The following DDAH1 variants were observed in gnomAD, a reference collection of about 807,000 sequenced individuals.
The protein encoded by DDAH1 is dimethylarginine dimethylaminohydrolase 1, also known as N(G),N(G)-dimethylarginine dimethylaminohydrolase 1.
DDAH1 carries 19 observed loss-of-function variants against 28.8 expected under a neutral mutation model. The observed-to-expected ratio is 0.66, with a 90% confidence interval of 0.46 to 0.97. The LOEUF (loss-of-function observed/expected upper bound fraction) is 0.97, where lower values mean the gene tolerates loss of function less well. Among genes scored for constraint, DDAH1 ranks in the 50% least tolerant of loss-of-function variants. The pLI is 0.00. For synonymous variants in DDAH1, 153 were observed against 154.4 expected (o/e 0.99, Z 0.07); for missense variants, 326 against 375.9 (o/e 0.87, Z 1.10).
chr1:85,520,836 T>C (rs1227770299), intron 1 of DDAH1, among the ~76,000 whole-genome samples: 2 of 152,224 alleles, frequency 1.3e-5, no homozygotes, highest in Non-Finnish European at 2.9e-5. Context: ...CACAGGAATA[T>C]GTCAATATGC....
intron 1 of DDAH1, among the ~76,000 whole-genome samples, chr1:85,424,149 A>C (rs1653282620): frequency 6.6e-6 from 1 of 152,146 alleles, no homozygotes; most frequent in Non-Finnish European, 1.5e-5. Flanking sequence ...ATCTATGTCC[A>C]TGAGAACTAT....
At chr1:85,427,575 G>C (rs900332531) in intron 1 of DDAH1, among the ~76,000 whole-genome samples, 1 of 152,172 alleles carries the variant, frequency 6.6e-6, no homozygotes, top group Non-Finnish European at 1.5e-5. Context: ...TGCAGAGCCA[G>C]CTCAAAGGGA....
chr1:85,447,010 C>T (rs1433153404), intron 1 of DDAH1, among the ~76,000 whole-genome samples: 1 of 152,164 alleles, frequency 6.6e-6, no homozygotes, highest in Non-Finnish European at 1.5e-5. Flanking sequence ...AATTTTAAAA[C>T]TCAATGGAAT....
chr1:85,484,104 T>C (rs1039187708), intron 2 of DDAH1, among the ~76,000 whole-genome samples: 3 of 151,920 alleles, frequency 2.0e-5, no homozygotes, highest in Non-Finnish European at 4.4e-5. Flanking sequence ...TCTCAGTACA[T>C]TTTAAAGGTT....
intron 1 of DDAH1, among the ~76,000 whole-genome samples, chr1:85,435,960 T>TTTTG (rs1570540668): frequency 7.2e-6 from 1 of 138,544 alleles, no homozygotes. Context: ...CCGGCTAATT[T>TTTTG]TGTGTGTGTG....
At chr1:85,520,197 T>C (rs1292291691) in intron 1 of DDAH1, among the ~76,000 whole-genome samples, 15 of 152,288 alleles carry the variant, frequency 9.8e-5, no homozygotes, top group Admixed American at 4.6e-4. Flanking sequence ...AAAAATAAAA[T>C]ATCTGAAACA....
rs575790730 is a variant in DDAH1, at chr1:85,540,815, C to A, written c.-123+37169G>T. Among the ~76,000 whole-genome samples the A allele has an allele frequency of 7.2e-5, 11 of 152,150 alleles. No individual in the cohort carries two copies. In the South Asian group the frequency reaches 1.7e-3, roughly 23 times the overall value. On this transcript the variant is annotated intron_variant, in intron 1 of 6. Transcript: ENST00000426972. ...TCTACTAAAAAAATACAGAAATTAG[C>A]TGGGCGTGGTGGTGCATGCCTGTAA...
chr1:85,359,001 T>C (rs1343769520), intron 1 of DDAH1, among the ~76,000 whole-genome samples, 154 bp from the exon 2 acceptor site: 2 of 152,232 alleles, frequency 1.3e-5, no homozygotes, highest in Non-Finnish European at 2.9e-5. Context: ...ATATAATGTA[T>C]GACCAGTCAT....
intron 4 of DDAH1, among the ~76,000 whole-genome samples, chr1:85,328,096 A>C (rs999849513): frequency 6.6e-6 from 1 of 152,234 alleles, no homozygotes; most frequent in African/African-American, 2.4e-5. Flanking sequence ...TTTTAATGTG[A>C]AAAAACATGG....
chr1:85,336,592 T>G (rs1648138069), intron 4 of DDAH1, among the ~76,000 whole-genome samples: 1 of 150,724 alleles, frequency 6.6e-6, no homozygotes, highest in Non-Finnish European at 1.5e-5. Flanking sequence ...AGTAGAAAGA[T>G]TTCAAAAAAA....
chr1:85,338,340 G>C (rs1418614969), intron 4 of DDAH1, among the ~76,000 whole-genome samples: 1 of 152,176 alleles, frequency 6.6e-6, no homozygotes, highest in East Asian at 1.9e-4. Flanking sequence ...TTAGAGAAAA[G>C]TTAGCATTTC....
At chr1:85,346,373 G>A (rs979608338) in intron 4 of DDAH1, among the ~76,000 whole-genome samples, 1 of 152,226 alleles carries the variant, frequency 6.6e-6, no homozygotes, top group Admixed American at 6.5e-5. Context: ...AGACTGCTCA[G>A]ATCCTGGATA....
chr1:85,400,074 A>AAAAAAACCT (rs1401065953), intron 1 of DDAH1: 2 of 152,102 alleles, frequency 1.3e-5, no homozygotes, highest in African/African-American at 4.8e-5. Context: ...ATTGTTTAGC[A>AAAAAAACCT]AAAAAACCTT....
upstream of DDAH1, among the ~76,000 whole-genome samples, chr1:85,469,092 C>T (rs1416777176): frequency 6.6e-6 from 1 of 152,220 alleles, no homozygotes; most frequent in Non-Finnish European, 1.5e-5. Context: ...GGATGCATAT[C>T]ACCTCTGCTC....
chr1:85,522,511 A>G (rs1657726487), intron 1 of DDAH1, among the ~76,000 whole-genome samples: 1 of 150,470 alleles, frequency 6.6e-6, no homozygotes, highest in South Asian at 2.1e-4. Flanking sequence ...TAAGAGGCAT[A>G]GTTAACCAAA....
chr1:85,367,885 A>C (rs949532319), intron 1 of DDAH1, among the ~76,000 whole-genome samples: 1 of 152,192 alleles, frequency 6.6e-6, no homozygotes, highest in African/African-American at 2.4e-5. Flanking sequence ...AGAGCCCTGG[A>C]GTTCTTAATA....
chr1:85,326,154 C>T (rs1387391746), intron 4 of DDAH1, among the ~76,000 whole-genome samples: 1 of 152,204 alleles, frequency 6.6e-6, no homozygotes, highest in East Asian at 1.9e-4. Flanking sequence ...CTTCCTGACT[C>T]ACCAGTCAGG....
At chr1:85,407,610 G>A (rs1652466356) in intron 1 of DDAH1, among the ~76,000 whole-genome samples, 1 of 152,178 alleles carries the variant, frequency 6.6e-6, no homozygotes, top group Non-Finnish European at 1.5e-5. Context: ...ACACCACCGT[G>A]CTTTTAAGCA....
chr1:85,418,459 A>G (rs1157830868), intron 1 of DDAH1, among the ~76,000 whole-genome samples: 1 of 152,230 alleles, frequency 6.6e-6, no homozygotes, highest in Non-Finnish European at 1.5e-5. Context: ...ATAGGAACAG[A>G]AGGTAAAAGA....
Sources: gnomAD v4.1 joint callset for allele counts (sites outside exome capture counted in the v4.1 genomes callset) on GRCh38, gnomAD v4.1.1 for gene constraint, MANE v1.5 for transcripts, NCBI Gene and HGNC (gene_info 2026-07-23, HGNC 2026-07-21) for gene names.